PPP3CA: variants seen among roughly 807,000 people sequenced by gnomAD.
The protein encoded by PPP3CA is CAM-PRP catalytic subunit.
A neutral mutation model predicts 66.5 loss-of-function variants in PPP3CA; 14 were observed. The observed-to-expected ratio is 0.21, with a 90% CI of 0.14 to 0.33. The LOEUF is 0.33. PPP3CA is among the 10% of genes least tolerant of loss of function. PPP3CA has a pLI of 1.00. For missense variants in PPP3CA, 317 were observed against 639.5 expected (o/e 0.50, Z 5.44); for synonymous variants, 232 against 226.2 (o/e 1.03, Z -0.23).
chr4:101,052,323 G>T (rs1327515116), intron 10 of PPP3CA, among the ~76,000 whole-genome samples: 1 of 151,922 alleles, frequency 6.6e-6, no homozygotes, highest in Non-Finnish European at 1.5e-5. Context: ...AATACGATAA[G>T]AATCATACCA....
chr4:101,227,518 G>T (rs1284129620), intron 1 of PPP3CA, among the ~76,000 whole-genome samples: 2 of 151,708 alleles, frequency 1.3e-5, no homozygotes, highest in Non-Finnish European at 3.0e-5. Context: ...GTGGTGCTTA[G>T]AGGAGAGTGA....
At chr4:101,272,630 G>A (rs1166604883) in intron 1 of PPP3CA, among the ~76,000 whole-genome samples, 3 of 152,096 alleles carry the variant, frequency 2.0e-5, no homozygotes, top group East Asian at 1.9e-4. Flanking sequence ...TTACTTCTCC[G>A]TGCCACAGTT....
At chr4:101,203,845 A>T (rs1725044183) in intron 1 of PPP3CA, among the ~76,000 whole-genome samples, 1 of 152,220 alleles carries the variant, frequency 6.6e-6, no homozygotes, top group African/African-American at 2.4e-5. Context: ...TACAATTGCA[A>T]ATGGCTTATA....
At chr4:101,287,766 CTT>C (rs34972470) in intron 1 of PPP3CA, among the ~76,000 whole-genome samples, 163 of 146,016 alleles carry the variant, frequency 1.1e-3, no homozygotes, top group Admixed American at 1.4e-3. Context: ...ATTAACCTCT[CTT>C]TTTTTTTTTT....
chr4:101,329,067 T>C (rs1729292791), intron 1 of PPP3CA, among the ~76,000 whole-genome samples: 1 of 152,128 alleles, frequency 6.6e-6, no homozygotes, highest in Non-Finnish European at 1.5e-5. Flanking sequence ...TGATTAAGTT[T>C]ATCATGCAAG....
At chr4:101,290,565 T>C (rs144336272) in intron 1 of PPP3CA, among the ~76,000 whole-genome samples, 1 of 152,328 alleles carries the variant, frequency 6.6e-6, no homozygotes, top group East Asian at 1.9e-4. Flanking sequence ...AGTCCCTACA[T>C]ATGCTGGACA....
chr4:101,026,866 T>TGTAA (rs1475895294), intron 13 of PPP3CA, among the ~76,000 whole-genome samples: 1 of 152,180 alleles, frequency 6.6e-6, no homozygotes, highest in African/African-American at 2.4e-5. Context: ...TCAATGTAGA[T>TGTAA]GTAAGTGATG....
intron 11 of PPP3CA, among the ~76,000 whole-genome samples, chr4:101,038,483 C>T (rs1029992967): frequency 6.6e-6 from 1 of 151,814 alleles, no homozygotes; most frequent in South Asian, 2.1e-4. Context: ...GATTCTCCTG[C>T]CTCAGCCTCC....
rs757635667 is a variant in PPP3CA, at chr4:101,109,026, G to A, written c.312C>T (p.Val104=). Residue 104 remains valine, a synonymous_variant, in exon 3 of 14, where the codon GTC becomes GTT. Coordinates refer to ENST00000394854, the MANE Select transcript of PPP3CA (RefSeq NM_000944.5). ...QFFDLMKLFE[V]GGSPANTRYL... is the part of the protein sequence containing the mutation. ...AGCGAGTGTTGGCAGGAGATCCCCC[G>A]ACTTCAAAGAGCTTCATCAAATCAA... 2.2e-5 allele frequency: 36 copies of A among 1,613,196 alleles called. No homozygotes were observed. Among genetic ancestry groups the A allele is most frequent in the African/African-American group, 5.3e-5 (4 of 74,828 alleles).
At chr4:101,031,388 C>T (rs113370887) in intron 12 of PPP3CA, among the ~76,000 whole-genome samples, 2,227 of 152,174 alleles carry the variant, frequency 0.015, 59 homozygotes, top group African/African-American at 0.051. Context: ...TAATAGCAAT[C>T]TCCTATTGTT....
intron 2 of PPP3CA, among the ~76,000 whole-genome samples, chr4:101,172,862 T>TAA: frequency 6.6e-6 from 1 of 152,228 alleles, no homozygotes; most frequent in African/African-American, 2.4e-5. Flanking sequence ...AATGATCCTG[T>TAA]AAAAAAAGGC....
intron 2 of PPP3CA, among the ~76,000 whole-genome samples, chr4:101,140,971 T>C (rs548353885): frequency 6.6e-6 from 1 of 152,348 alleles, no homozygotes; most frequent in Non-Finnish European, 1.5e-5. Context: ...CATAGAATAC[T>C]GAATCATTTT....
At chr4:101,085,123 A>G (rs1729606424) in intron 6 of PPP3CA, among the ~76,000 whole-genome samples, 1 of 152,264 alleles carries the variant, frequency 6.6e-6, no homozygotes, top group South Asian at 2.1e-4. Context: ...TTTGGTATAT[A>G]TTAGCTATAA....
chr4:101,319,941 G>A (rs1422604067), intron 1 of PPP3CA, among the ~76,000 whole-genome samples: 1 of 152,060 alleles, frequency 6.6e-6, no homozygotes, highest in African/African-American at 2.4e-5. Context: ...CTCAAAGATA[G>A]CACCAGCTTT....
chr4:101,270,522 T>C (rs1298331589), intron 1 of PPP3CA, among the ~76,000 whole-genome samples: 2 of 152,192 alleles, frequency 1.3e-5, no homozygotes, highest in Non-Finnish European at 1.5e-5. Flanking sequence ...AACAATTTCC[T>C]ACCAGTTATT....
intron 1 of PPP3CA, among the ~76,000 whole-genome samples, chr4:101,303,553 G>A (rs993509974): frequency 4.6e-5 from 7 of 152,002 alleles, no homozygotes; most frequent in African/African-American, 1.5e-4. Flanking sequence ...TAGTTTGAAT[G>A]TACCATATGT....
At chr4:101,334,490 T>C (rs1053202792) in intron 1 of PPP3CA, among the ~76,000 whole-genome samples, 1 of 152,118 alleles carries the variant, frequency 6.6e-6, no homozygotes, top group Non-Finnish European at 1.5e-5. Context: ...AGCATGAAAG[T>C]TAACTCTCAA....
chr4:101,111,292 T>A (rs1228973544), intron 2 of PPP3CA, among the ~76,000 whole-genome samples: 1 of 152,142 alleles, frequency 6.6e-6, no homozygotes, highest in Non-Finnish European at 1.5e-5. Flanking sequence ...GGAAACAAAT[T>A]ATGAAGCAAG....
At chr4:101,324,712 A>C (rs558801393) in intron 1 of PPP3CA, among the ~76,000 whole-genome samples, 146 of 152,286 alleles carry the variant, frequency 9.6e-4, no homozygotes, top group Non-Finnish European at 1.9e-3. Flanking sequence ...AAAAGACAAT[A>C]AACTTTGGGG....
Sources: allele counts gnomAD v4.1 joint callset (sites outside exome capture counted in the v4.1 genomes callset), GRCh38; gene constraint gnomAD v4.1.1; transcripts MANE v1.5; gene names NCBI Gene and HGNC (gene_info 2026-07-23, HGNC 2026-07-21).